The following THSD4 variants were observed in gnomAD, a reference collection of about 807,000 sequenced individuals.
THSD4 encodes the protein thrombospondin type 1 domain containing 4.
A neutral mutation model predicts 119.0 loss-of-function variants in THSD4; 69 were observed. The ratio of observed to expected loss-of-function variants is 0.58; its 90% CI spans 0.48 to 0.71. The LOEUF is 0.71. Among genes scored for constraint, THSD4 ranks in the 30% least tolerant of loss-of-function variants. The pLI, the probability that THSD4 is intolerant of heterozygous loss-of-function variation, is 0.00. For missense variants in THSD4, 1,393 were observed against 1,391.1 expected (o/e 1.00, Z -0.02); for synonymous variants, 524 against 540.4 (o/e 0.97, Z 0.42).
At chr15:71,613,891 T>G (rs1462269404) in intron 7 of THSD4, among the ~76,000 whole-genome samples, 2 of 152,320 alleles carry the variant, frequency 1.3e-5, no homozygotes, top group Middle Eastern at 6.8e-3. Context: ...GTAACTGATA[T>G]CTGTCTATGG....
At chr15:71,693,296 T>C (rs2052092501) in intron 8 of THSD4, among the ~76,000 whole-genome samples, 1 of 152,126 alleles carries the variant, frequency 6.6e-6, no homozygotes, top group African/African-American at 2.4e-5. Context: ...GAGGTCCAAG[T>C]CTCATGATCT....
chr15:71,678,873 T>C (rs2051709639), intron 8 of THSD4, among the ~76,000 whole-genome samples: 3 of 152,234 alleles, frequency 2.0e-5, no homozygotes. Flanking sequence ...CCCCACCCTT[T>C]AACTTTCTTT....
intron 7 of THSD4, among the ~76,000 whole-genome samples, chr15:71,639,577 T>C (rs186515580): frequency 1.4e-3 from 208 of 152,330 alleles, no homozygotes; most frequent in African/African-American, 4.7e-3. Context: ...CTGAAAGGAA[T>C]GCAAAGTCAA....
intron 7 of THSD4, among the ~76,000 whole-genome samples, chr15:71,474,637 C>T (rs2047631842): frequency 6.6e-6 from 1 of 152,308 alleles, no homozygotes; most frequent in East Asian, 1.9e-4. Flanking sequence ...TCCTTTCATC[C>T]TATGCTCTCT....
At chr15:71,459,382 C>CTCTCTGTCTCTCTG (rs1236640067) in intron 7 of THSD4, among the ~76,000 whole-genome samples, 6 of 127,072 alleles carry the variant, frequency 4.7e-5, no homozygotes, top group African/African-American at 1.7e-4. Flanking sequence ...GTCTCTCTGT[C>CTCTCTGTCTCTCTG]TCTCTCTCTC....
intron 7 of THSD4, among the ~76,000 whole-genome samples, chr15:71,563,560 A>G (rs2049168816): frequency 6.6e-6 from 1 of 152,248 alleles, no homozygotes; most frequent in South Asian, 2.1e-4. Flanking sequence ...GTTAAGCCAA[A>G]TAACACTTAA....
chr15:71,724,068 T>TA (rs71154796), intron 8 of THSD4, among the ~76,000 whole-genome samples: 4,001 of 123,430 alleles, frequency 0.032, 206 homozygotes, highest in African/African-American at 0.11. Flanking sequence ...TGTCTTTATT[T>TA]AAAAAAAAAA....
chr15:71,190,661 A>G (rs1567151814), intron 3 of THSD4, among the ~76,000 whole-genome samples: 1 of 152,072 alleles, frequency 6.6e-6, no homozygotes, highest in Non-Finnish European at 1.5e-5. Flanking sequence ...TGTTGACACC[A>G]TTTTTGTCTC....
At position 71,690,524 on chromosome 15, in the gene THSD4, C is replaced by T. The variant is rs369431880; in HGVS notation, c.1357+29790C>T. On this transcript the variant is annotated intron_variant, in intron 8 of 17. Transcript: ENST00000261862. ...CTATGGTAGACAGAATAATGGCCCCCCAAAGTTGTCCACAGCCTACTCCCG... is the reference window on the plus strand; with the variant it reads ...CTATGGTAGACAGAATAATGGCCCCTCAAAGTTGTCCACAGCCTACTCCCG... Among the ~76,000 whole-genome samples the T allele has an allele frequency of 2.1e-3, 317 of 152,270 alleles. 3 individuals carry two copies. Among genetic ancestry groups the T allele is most frequent in the African/African-American group, 7.0e-3 (291 of 41,542 alleles).
At chr15:71,491,093 G>T (rs2047911814) in intron 7 of THSD4, among the ~76,000 whole-genome samples, 1 of 152,148 alleles carries the variant, frequency 6.6e-6, no homozygotes, top group Non-Finnish European at 1.5e-5. Context: ...TTGGTCAAAG[G>T]GATGTAAACA....
At chr15:71,281,822 G>A (rs2044656744) in intron 6 of THSD4, among the ~76,000 whole-genome samples, 1 of 152,116 alleles carries the variant, frequency 6.6e-6, no homozygotes, top group African/African-American at 2.4e-5. Context: ...GAGGAATTTT[G>A]TATCTTAGAT....
intron 1 of THSD4, among the ~76,000 whole-genome samples, chr15:71,108,837 C>A (rs1373153728): frequency 6.6e-6 from 1 of 151,964 alleles, no homozygotes; most frequent in African/African-American, 2.4e-5. Context: ...TAAAAAAATA[C>A]AAAAATTAGC....
intron 6 of THSD4, among the ~76,000 whole-genome samples, chr15:71,391,102 C>T (rs1428963604): frequency 6.6e-6 from 1 of 151,036 alleles, no homozygotes; most frequent in Non-Finnish European, 1.5e-5. Context: ...AATCTCGGCT[C>T]ACTGCAAGCT....
intron 7 of THSD4, among the ~76,000 whole-genome samples, chr15:71,561,863 AACACACACACACACAC>A (rs71154780): frequency 0.039 from 5,130 of 130,386 alleles, 424 homozygotes; most frequent in East Asian, 0.36. Context: ...TTTTAAAATA[AACACACACACACACAC>A]ACACACACAC....
intron 7 of THSD4, among the ~76,000 whole-genome samples, chr15:71,440,786 A>G (rs1162559575): frequency 6.6e-6 from 1 of 152,212 alleles, no homozygotes; most frequent in African/African-American, 2.4e-5. Flanking sequence ...CCAAAATACA[A>G]AAATGGAAGT....
chr15:71,677,484 G>A (rs2141024262), intron 8 of THSD4, among the ~76,000 whole-genome samples: 1 of 152,250 alleles, frequency 6.6e-6, no homozygotes. Flanking sequence ...AGCACTCCTG[G>A]ACTTACTTTT....
chr15:71,358,790 A>T lies in THSD4; in HGVS notation c.1016-52897A>T, dbSNP rs577072949. ...CTATCTGGGTGGCCCAGTGCAAGTG[A>T]CTTAGCTTCTCTGAACCTTGGCTTC... On this transcript the variant is annotated intron_variant, in intron 6 of 17. Transcript: ENST00000261862. Among the ~76,000 whole-genome samples the T allele has an allele frequency of 3.3e-5, 5 of 152,286 alleles. No homozygotes were observed. In the South Asian group the frequency reaches 1.0e-3, roughly 32 times the overall value.
intron 6 of THSD4, among the ~76,000 whole-genome samples, chr15:71,363,737 A>G (rs1401945427): frequency 6.6e-6 from 1 of 152,210 alleles, no homozygotes; most frequent in Non-Finnish European, 1.5e-5. Context: ...GAATTTGCTT[A>G]GGATAATTGG....
intron 8 of THSD4, among the ~76,000 whole-genome samples, chr15:71,727,769 C>CAAAA (rs11446418): frequency 3.2e-5 from 4 of 126,242 alleles, no homozygotes; most frequent in South Asian, 2.7e-4. Context: ...GACCCTGTCT[C>CAAAA]AAAAAAAAAA....
Sources: gnomAD v4.1 joint callset for allele counts (sites outside exome capture counted in the v4.1 genomes callset) on GRCh38, gnomAD v4.1.1 for gene constraint, MANE v1.5 for transcripts, NCBI Gene and HGNC (gene_info 2026-07-23, HGNC 2026-07-21) for gene names.